Variants in C3 observed in about 807,000 individuals in gnomAD.
C3 encodes the protein C3 and PZP-like alpha-2-macroglobulin domain-containing protein 1.
Under a neutral mutation model 207.9 loss-of-function variants are expected in C3, and 97 were observed. The ratio of observed to expected loss-of-function variants is 0.47; its 90% CI spans 0.40 to 0.55. C3 has a LOEUF of 0.55. C3 is among the 20% of genes least tolerant of loss of function. The pLI is 0.00. For missense variants in C3, 1,684 were observed against 2,171.7 expected (o/e 0.78, Z 4.46); for synonymous variants, 848 against 857.6 (o/e 0.99, Z 0.20).
intron 17 of C3, among the ~76,000 whole-genome samples, chr19:6,705,925 C>A (rs1187812024): frequency 6.6e-6 from 1 of 152,040 alleles, no homozygotes. Flanking sequence ...CCATCCACCT[C>A]GGCCTCCCAA....
At chr19:6,715,197 G>A (rs957554912) in intron 4 of C3, among the ~76,000 whole-genome samples, 3 of 152,078 alleles carry the variant, frequency 2.0e-5, no homozygotes, top group Admixed American at 6.6e-5. Context: ...GTATTAGGGC[G>A]AGCGCAATGG....
chr19:6,714,500 G>A (rs1305823182), intron 4 of C3, 54 bp from the exon 5 acceptor site: 3 of 1,273,362 alleles, frequency 2.4e-6, no homozygotes, highest in African/African-American at 2.9e-5. Flanking sequence ...CGGAGGCTGG[G>A]CTTAGCCTCT....
intron 20 of C3, 26 bp from the exon 21 acceptor site, chr19:6,697,582 C>A (rs779649361): frequency 2.4e-5 from 38 of 1,613,680 alleles, no homozygotes; most frequent in Non-Finnish European, 3.1e-5. Flanking sequence ...AGGATCCGGG[C>A]AAGTGTGTGT....
chr19:6,678,013 T>A lies in C3; in HGVS notation c.4861A>T (p.Ile1621Phe). The change falls in exon 41 of 41, where the codon ATC becomes TTC. Residue 1621 changes from isoleucine to phenylalanine, a missense_variant. Coordinates refer to ENST00000245907, the MANE Select transcript of C3 (RefSeq NM_000064.4). ...FWGEKPNLSY[I>F]IGKDTWVEHW... ...TCCACCCAAGTGTCCTTCCCGATGA[T>A]GTAGCTGAGGCTGGAGGGAAGAATG... 2 of 1,614,000 alleles carry A rather than the reference T, an allele frequency of 1.2e-6. No homozygotes were observed. The highest frequency in any genetic ancestry group is 4.5e-5 in the East Asian group (2 of 44,860).
chr19:6,713,419 G>C lies in C3; in HGVS notation c.864C>G (p.Leu288=), dbSNP rs201309372. 6.2e-7 allele frequency: 1 copy of C among 1,613,916 alleles called. No homozygotes were observed. Among genetic ancestry groups the C allele is most frequent in the South Asian group, 1.1e-5 (1 of 91,078 alleles). ...CCGTCTATGGTACCGGAATGCGCTT[G>C]AGGGATTCAGGCAGGGAAATCCTCT... is the stretch of plus-strand genomic sequence containing the variant. ...GEQRISLPES[L]KRIPIEDGSG... The change falls in exon 8 of 41, where the codon CTC becomes CTG. Residue 288 remains leucine (L), a synonymous_variant. Coordinates refer to ENST00000245907, the MANE Select transcript of C3 (RefSeq NM_000064.4).
At chr19:6,709,612 C>CT in intron 14 of C3, 72 bp downstream of exon 14, 12 of 614,088 alleles carry the variant, frequency 2.0e-5, no homozygotes, top group Admixed American at 8.1e-5. Flanking sequence ...CCTCTCCAGT[C>CT]CCACCCACCT....
chr19:6,706,528 C>T (rs1967776639), intron 17 of C3, among the ~76,000 whole-genome samples: 1 of 152,138 alleles, frequency 6.6e-6, no homozygotes, highest in South Asian at 2.1e-4. Context: ...GTCTTCTCTA[C>T]CTCACGCTGG....
chr19:6,679,608 T>G, intron 36 of C3, 112 bp from the exon 37 acceptor site: 1 of 787,548 alleles, frequency 1.3e-6, no homozygotes, highest in African/African-American at 1.7e-5. Context: ...ATGCTAGGTC[T>G]TCAACCCCTC....
At chr19:6,703,811 G>C (rs1316708064) in intron 17 of C3, among the ~76,000 whole-genome samples, 1 of 151,978 alleles carries the variant, frequency 6.6e-6, no homozygotes, top group Non-Finnish European at 1.5e-5. Flanking sequence ...AGCTGGGTGT[G>C]ATGGCATGCG....
chr19:6,718,824 G>A (rs1192880057), intron 2 of C3, among the ~76,000 whole-genome samples: 2 of 148,698 alleles, frequency 1.3e-5, no homozygotes, highest in African/African-American at 2.5e-5. Context: ...GACTTAGAGG[G>A]GGAGGAGACT....
In C3 at chr19:6,700,424, TATATGATATATGTA is replaced by T. The variant is rs1415489022; in HGVS notation, c.2440+1689_2440+1702del. 1.7e-4 allele frequency among the ~76,000 whole-genome samples: 10 copies of T among 59,178 alleles called. 3 individuals carry two copies. Among genetic ancestry groups the T allele is most frequent in the Non-Finnish European group, 2.5e-4 (10 of 40,494 alleles). 38.8% of individuals were successfully genotyped at this position (59,178 alleles called of 152,430 possible). On this transcript the variant is annotated intron_variant, in intron 19 of 40. Coordinates refer to ENST00000245907, the MANE Select transcript of C3 (RefSeq NM_000064.4). ...GTAATATGATATATTATATATGTAA[TATATGATATATGTA>T]ATATGATATATGTAATATATATGTT...
chr19:6,702,211 T>C lies in C3; in HGVS notation c.2356A>G (p.Ile786Val). Residue 786 changes from isoleucine to valine, a missense_variant and splice_region_variant, in exon 19 of 41, where the codon ATC (isoleucine) becomes GTC (valine). Physicochemically the swap from Ile to Val is conservative, Grantham distance 29 (BLOSUM62 3). Coordinates refer to ENST00000245907, the MANE Select transcript of C3 (RefSeq NM_000064.4). ...AATATATTCATGAGCTTCGTAGAGA[T>C]TCTGGATGGAGAAGAGGTTGGGGTA... The part of the protein sequence containing the change: ...EDLKEPPKNG[I>V]STKLMNIFLK... 1 of 1,588,066 alleles carries C rather than the reference T, an allele frequency of 6.3e-7. No individual in the cohort carries two copies. Among genetic ancestry groups the C allele is most frequent in the Non-Finnish European group, 8.6e-7 (1 of 1,160,152 alleles).
chr19:6,679,499 G>A lies in C3; in HGVS notation c.4457-3C>T, dbSNP rs1917804434. 2 of 1,604,366 alleles carry A rather than the reference G, an allele frequency of 1.2e-6. No individual in the cohort carries two copies. The highest frequency in any genetic ancestry group is 1.7e-6 in the Non-Finnish European group (2 of 1,171,216). On this transcript the variant is annotated splice_region_variant and splice_polypyrimidine_tract_variant and intron_variant, in intron 36 of 40. Transcript: ENST00000245907. Reference sequence around the variant, plus strand: ...GTAGAACCGGGTACAGCTTTCCTCTGCGGGCAGATGTGATGTGAAGATGAG... The same window carrying A: ...GTAGAACCGGGTACAGCTTTCCTCTACGGGCAGATGTGATGTGAAGATGAG...
At chr19:6,685,193 G>C in intron 29 of C3, 47 bp from the exon 30 acceptor site, 1 of 1,580,590 alleles carries the variant, frequency 6.3e-7, no homozygotes, top group Non-Finnish European at 8.7e-7. Flanking sequence ...GCCTGGGAAA[G>C]TGGCTAGAAT....
At chr19:6,698,326 A>G (rs1483692222) in intron 19 of C3, among the ~76,000 whole-genome samples, 2 of 151,954 alleles carry the variant, frequency 1.3e-5, no homozygotes, top group Non-Finnish European at 1.5e-5. Flanking sequence ...AGTTACCACT[A>G]TTTAATGATT....
In C3 at chr19:6,718,421, G is replaced by A. The variant is rs1287246522; in HGVS notation, c.268-9C>T. The A allele has an allele frequency of 8.7e-6, 14 of 1,614,174 alleles. No individual in the cohort carries two copies. The highest frequency in any genetic ancestry group is 1.2e-5 in the Non-Finnish European group (14 of 1,180,022). On this transcript the variant is annotated splice_polypyrimidine_tract_variant and intron_variant, in intron 2 of 40. Coordinates refer to ENST00000245907, the MANE Select transcript of C3 (RefSeq NM_000064.4). ...TCCCTGTTGGCTGGGATCTAGGCGTGGGCAGGGCATTGTCAGGGGTCTGTT... is the reference window on the plus strand; with the variant it reads ...TCCCTGTTGGCTGGGATCTAGGCGTAGGCAGGGCATTGTCAGGGGTCTGTT...
chr19:6,679,418 C>T lies in C3; in HGVS notation c.4535G>A (p.Arg1512His), dbSNP rs142868256. 1.9e-4 allele frequency: 299 copies of T among 1,612,856 alleles called. 1 individual carries two copies. Among genetic ancestry groups the T allele is most frequent in the Non-Finnish European group, 2.4e-4 (284 of 1,178,946 alleles). Reference protein sequence around the residue: ...LNKLCRDELCRCAEENCFIQK... With the variant: ...LNKLCRDELCHCAEENCFIQK... ...TCCAGGGAACTCACCCTCAGCACAG[C>T]GGCACAGTTCATCACGGCAGAGCTT... Residue 1512 changes from arginine (R) to histidine (H), a missense_variant, in exon 37 of 41, where the codon CGC becomes CAC. Arg to His is a conservative substitution (Grantham distance 29, BLOSUM62 0). Around this residue, in one of 3 missense-constraint regions of C3, gnomAD observed 346 missense variants for 380.1 expected, o/e 0.91. Coordinates refer to ENST00000245907, the MANE Select transcript of C3 (RefSeq NM_000064.4).
At chr19:6,680,548 C>T (rs1917834090) in intron 35 of C3, among the ~76,000 whole-genome samples, 1 of 152,128 alleles carries the variant, frequency 6.6e-6, no homozygotes. Context: ...ATGAATGAAT[C>T]CTGCAGAGAA....
In C3 at chr19:6,678,742, A is replaced by G. The variant is rs11569562; in HGVS notation, c.4631-287T>C. 0.5 allele frequency among the ~76,000 whole-genome samples: 75,645 copies of G among 151,808 alleles called. 19,057 individuals carry two copies. The highest frequency in any genetic ancestry group is 0.59 in the South Asian group (2,846 of 4,816). The stretch of plus-strand genomic sequence containing the variant: ...GCAATGAGAGTGACTCATATGCACA[A>G]AATACTGTAGCCTCATGGCCATGCA... On this transcript the variant is annotated intron_variant, in intron 38 of 40. Transcript: ENST00000245907.
Sources: allele counts gnomAD v4.1 joint callset (sites outside exome capture counted in the v4.1 genomes callset), GRCh38; gene constraint gnomAD v4.1.1; regional missense constraint gnomAD v4.1.1; transcripts MANE v1.5; gene names NCBI Gene and HGNC (gene_info 2026-07-23, HGNC 2026-07-21).